The following RPP30 variants were observed in gnomAD, a reference collection of about 807,000 sequenced individuals.
RPP30 encodes the protein ribonuclease P/MRP subunit p30.
In RPP30, 36 loss-of-function variants were observed where a neutral mutation model predicts 38.6. The observed-to-expected ratio is 0.93, with a 90% CI of 0.71 to 1.23. RPP30 has a LOEUF of 1.23. Among genes scored for constraint, RPP30 ranks in the 50% most tolerant of loss-of-function variants. The pLI, the probability that RPP30 is intolerant of heterozygous loss-of-function variation, is 0.00. For missense variants in RPP30, 321 were observed against 321.7 expected, an observed-to-expected ratio of 1.00 and a Z score of 0.02; for synonymous variants, 126 against 112.7, an observed-to-expected ratio of 1.12 and a Z score of -0.75.
In RPP30 at chr10:90,901,999, G is replaced by T. The variant is rs1034539572; in HGVS notation, c.*1320G>T. ...TATTTAGCAGAGACGGGGTTTCACCGTGTTAGCCAGGATGGTCTCAATCTC... is the reference window on the plus strand; with the variant it reads ...TATTTAGCAGAGACGGGGTTTCACCTTGTTAGCCAGGATGGTCTCAATCTC... On this transcript the variant is annotated 3_prime_UTR_variant, in exon 11 of 11. Coordinates refer to ENST00000371703, the MANE Select transcript of RPP30 (RefSeq NM_006413.5). The T allele has an allele frequency of 2.3e-6, 1 of 430,160 alleles. No homozygotes were observed. Among genetic ancestry groups the T allele is most frequent in the Non-Finnish European group, 3.1e-6 (1 of 323,076 alleles). The allele number at this position is 430,160 out of a possible 1,614,324, so 26.6% of individuals were successfully genotyped here. A position where few individuals can be genotyped will look rare whatever the true frequency, so the allele number is the denominator to read the frequency against.
chr10:90,872,918 C>T (rs899305599), intron 1 of RPP30, among the ~76,000 whole-genome samples: 1 of 152,172 alleles, frequency 6.6e-6, no homozygotes, highest in East Asian at 1.9e-4. Flanking sequence ...ACTAAATGAA[C>T]GTTATCTCTG....
intron 1 of RPP30, 100 bp from the exon 2 acceptor site, chr10:90,874,767 CAA>C (rs1846828685): frequency 3.0e-6 from 2 of 669,628 alleles, no homozygotes; most frequent in Non-Finnish European, 5.0e-6. Flanking sequence ...AACCACTCCT[CAA>C]ATGTCCTCCT....
chr10:90,900,256 A>T (rs1304931832), intron 10 of RPP30, among the ~76,000 whole-genome samples: 3 of 152,222 alleles, frequency 2.0e-5, no homozygotes, highest in African/African-American at 7.2e-5. Flanking sequence ...TACCATATAT[A>T]AAGTGTCTGC....
At chr10:90,879,581 C>A (rs1381474983) in intron 5 of RPP30, among the ~76,000 whole-genome samples, 2 of 152,208 alleles carry the variant, frequency 1.3e-5, no homozygotes, top group Non-Finnish European at 2.9e-5. Flanking sequence ...TGGTATAGCC[C>A]ATATGCCAGC....
intron 4 of RPP30, 83 bp downstream of exon 4, chr10:90,876,181 C>A: frequency 2.2e-6 from 2 of 908,208 alleles, no homozygotes; most frequent in Non-Finnish European, 1.8e-6. Context: ...TTTGTCTTCC[C>A]CATTTTACAT....
At chr10:90,878,974 T>C (rs1846888306) in intron 4 of RPP30, 89 bp from the exon 5 acceptor site, 1 of 1,107,198 alleles carries the variant, frequency 9.0e-7, no homozygotes, top group South Asian at 1.3e-5. Flanking sequence ...TGTTCCATGA[T>C]TGAAATATAA....
chr10:90,873,559 G>A (rs1846811252), intron 1 of RPP30, among the ~76,000 whole-genome samples: 1 of 152,210 alleles, frequency 6.6e-6, no homozygotes, highest in Admixed American at 6.5e-5. Context: ...GCCTGATTGG[G>A]GAAGTAAGTA....
rs936580841 is a variant in RPP30, at chr10:90,901,850, G to A, written c.*1171G>A. Reference sequence around the variant, plus strand: ...TTTTTTTTTTTTTTGAGACAGTCTCGCTCTGTCCCCCAGGCTGGAGTGCAG... The same window carrying A: ...TTTTTTTTTTTTTTGAGACAGTCTCACTCTGTCCCCCAGGCTGGAGTGCAG... On this transcript the variant is annotated 3_prime_UTR_variant, in exon 11 of 11. Transcript: ENST00000371703. 378 of 884,832 alleles carry A rather than the reference G, an allele frequency of 4.3e-4. 5 individuals carry two copies. The highest frequency in any genetic ancestry group is 1.0e-4 in the Non-Finnish European group (76 of 744,962). 54.8% of individuals were successfully genotyped at this position (884,832 alleles called of 1,614,324 possible). A position where few individuals can be genotyped will look rare whatever the true frequency, so the allele number is the denominator to read the frequency against.
chr10:90,879,250 T>C, intron 5 of RPP30, 116 bp downstream of exon 5: 1 of 760,020 alleles, frequency 1.3e-6, no homozygotes. Flanking sequence ...GATTTGTTAT[T>C]TATACTTGGA....
At chr10:90,878,560 C>T (rs545516406) in intron 4 of RPP30, among the ~76,000 whole-genome samples, 121 of 151,534 alleles carry the variant, frequency 8.0e-4, no homozygotes, top group African/African-American at 2.7e-3. Context: ...GGCATGAACG[C>T]GGCTCACTGC....
chr10:90,872,250 T>G, intron 1 of RPP30, 182 bp downstream of exon 1: 1 of 612,884 alleles, frequency 1.6e-6, no homozygotes, highest in Non-Finnish European at 3.0e-6. Context: ...TCGAAGGTTC[T>G]GGGGGTTGTT....
At chr10:90,880,390 A>G (rs1846910894) in intron 5 of RPP30, among the ~76,000 whole-genome samples, 1 of 152,174 alleles carries the variant, frequency 6.6e-6, no homozygotes. Flanking sequence ...CAAATTATTT[A>G]TGAGTGCCTA....
intron 10 of RPP30, among the ~76,000 whole-genome samples, chr10:90,898,900 C>G (rs530171815): frequency 6.6e-6 from 1 of 152,274 alleles, no homozygotes; most frequent in Non-Finnish European, 1.5e-5. Context: ...CCAAAATGAA[C>G]CTGTTGGGGA....
In RPP30 at chr10:90,896,309, C is replaced by G. The variant is rs375210098; in HGVS notation, c.618-4C>G. 4.3e-6 allele frequency: 7 copies of G among 1,613,668 alleles called. No homozygotes were observed. The East Asian group carries it at 6.7e-5, about 15-fold the overall frequency. On this transcript the variant is annotated splice_polypyrimidine_tract_variant and splice_region_variant and intron_variant, in intron 9 of 10. Transcript: ENST00000371703. ...TGGGTTGAAATCTTTAATGCTCCCC[C>G]AAGAGGCTTGCTGTTTGGGCTCTCT... is the stretch of plus-strand genomic sequence containing the variant.
chr10:90,900,741 C>T lies in RPP30; in HGVS notation c.*62C>T. 1.3e-6 allele frequency: 2 copies of T among 1,549,256 alleles called. No individual in the cohort carries two copies. The highest frequency in any genetic ancestry group is 2.6e-5 in the South Asian group (2 of 77,966). On this transcript the variant is annotated 3_prime_UTR_variant, in exon 11 of 11. Transcript: ENST00000371703. ...CCCTTTTATAGTTCATCAGCCACAA[C>T]AAAAATAAAACCTTTGTGTGATTTA...
chr10:90,896,450 C>G (rs1204471047), intron 10 of RPP30, 58 bp downstream of exon 10: 1 of 1,365,096 alleles, frequency 7.3e-7, no homozygotes, highest in Non-Finnish European at 1.0e-6. Flanking sequence ...GTCATTTTTA[C>G]AGCCATACCT....
intron 6 of RPP30, among the ~76,000 whole-genome samples, chr10:90,887,627 C>T (rs1217330865): frequency 2.0e-5 from 3 of 152,078 alleles, no homozygotes; most frequent in African/African-American, 4.8e-5. Context: ...CCTTGTGATC[C>T]GCCCGCCTCA....
chr10:90,899,566 T>C (rs1259190502), intron 10 of RPP30, among the ~76,000 whole-genome samples: 1 of 152,200 alleles, frequency 6.6e-6, no homozygotes, highest in Non-Finnish European at 1.5e-5. Context: ...TTTCATAAGT[T>C]ACCCTTCCAA....
At chr10:90,874,685 A>C (rs1415859102) in intron 1 of RPP30, among the ~76,000 whole-genome samples, 184 bp from the exon 2 acceptor site, 1 of 152,196 alleles carries the variant, frequency 6.6e-6, no homozygotes, top group African/African-American at 2.4e-5. Context: ...CTGAAACTTC[A>C]TGTTAAGTAA....
Sources: allele counts gnomAD v4.1 joint callset (sites outside exome capture counted in the v4.1 genomes callset), GRCh38; gene constraint gnomAD v4.1.1; transcripts MANE v1.5; gene names NCBI Gene and HGNC (gene_info 2026-07-23, HGNC 2026-07-21).